Variants in CLVS1 observed in about 807,000 individuals in gnomAD.
CLVS1 encodes clavesin-1.
CLVS1 carries 10 observed loss-of-function variants against 33.1 expected under a neutral mutation model. That is an observed-to-expected ratio of 0.30 (90% CI 0.19 to 0.51). The LOEUF (loss-of-function observed/expected upper bound fraction) is 0.51. CLVS1 is among the 20% of genes least tolerant of loss of function. The pLI is 0.97. For synonymous variants in CLVS1, 163 were observed against 166.1 expected (o/e 0.98, Z 0.14); for missense variants, 343 against 433.4 (o/e 0.79, Z 1.85).
At chr8:61,329,172 G>A (rs2931305) in intron 2 of CLVS1, among the ~76,000 whole-genome samples, 8 of 151,468 alleles carry the variant, frequency 5.3e-5, no homozygotes, top group African/African-American at 1.9e-4. Flanking sequence ...AAAACCTTTA[G>A]AGAGTAGGCA....
chr8:61,353,238 A>G, intron 2 of CLVS1, among the ~76,000 whole-genome samples: 1 of 152,054 alleles, frequency 6.6e-6, no homozygotes. Context: ...AACAACAGCA[A>G]GGTACACATT....
At chr8:61,134,535 G>C (rs1257995743) in intron 2 of CLVS1, among the ~76,000 whole-genome samples, 1 of 152,244 alleles carries the variant, frequency 6.6e-6, no homozygotes, top group Non-Finnish European at 1.5e-5. Context: ...TAGGAACAGG[G>C]AGTCAGCAGG....
intron 2 of CLVS1, among the ~76,000 whole-genome samples, chr8:61,165,462 G>A (rs1415646875): frequency 6.6e-6 from 1 of 152,196 alleles, no homozygotes; most frequent in Non-Finnish European, 1.5e-5. Context: ...TCAGGCAATA[G>A]ATGATTGGCT....
chr8:61,187,020 G>A lies in CLVS1; in HGVS notation c.-152+55160G>A, dbSNP rs140025241. Among the ~76,000 whole-genome samples, 410 of 152,266 alleles carry A rather than the reference G, an allele frequency of 2.7e-3. 2 individuals carry two copies. Among genetic ancestry groups the A allele is most frequent in the African/African-American group, 9.1e-3 (377 of 41,560 alleles). The stretch of plus-strand genomic sequence containing the variant: ...AGATCCTGCTATGTTGTACTACACA[G>A]CTAAACTTATTTCTTTTATAGCTGG... On this transcript the variant is annotated intron_variant, in intron 2 of 2. Transcript: ENST00000522621.
At chr8:61,463,032 A>G (rs1267302730) in intron 5 of CLVS1, among the ~76,000 whole-genome samples, 1 of 152,210 alleles carries the variant, frequency 6.6e-6, no homozygotes, top group Admixed American at 6.5e-5. Context: ...AGCTTCATCA[A>G]TGATCTTTCC....
At chr8:61,263,352 T>C (rs1438219682) in intron 2 of CLVS1, among the ~76,000 whole-genome samples, 1 of 152,234 alleles carries the variant, frequency 6.6e-6, no homozygotes, top group African/African-American at 2.4e-5. Context: ...ACAGTTGATT[T>C]TCAGTTGACT....
intron 2 of CLVS1, among the ~76,000 whole-genome samples, chr8:61,158,556 G>C (rs116069050): frequency 0.017 from 2,596 of 152,196 alleles, 78 homozygotes; most frequent in African/African-American, 0.06. Context: ...CCCAGCAGAA[G>C]ATAGAGCAGT....
intron 1 of CLVS1, among the ~76,000 whole-genome samples, chr8:61,089,651 G>T (rs895779653): frequency 6.6e-6 from 1 of 152,130 alleles, no homozygotes; most frequent in African/African-American, 2.4e-5. Context: ...GGGCATGGCG[G>T]TTCACACCTG....
chr8:61,490,482 C>T (rs1269582628), intron 5 of CLVS1, among the ~76,000 whole-genome samples: 1 of 151,270 alleles, frequency 6.6e-6, no homozygotes, highest in Non-Finnish European at 1.5e-5. Flanking sequence ...TCCTGGCCAA[C>T]ACGGTGAAAC....
At chr8:61,491,034 C>A (rs1804059221) in intron 5 of CLVS1, among the ~76,000 whole-genome samples, 1 of 151,842 alleles carries the variant, frequency 6.6e-6, no homozygotes, top group Non-Finnish European at 1.5e-5. Flanking sequence ...TTGGGCACAT[C>A]CTAACTTTAG....
chr8:61,005,747 G>A, the CLVS1 span, among the ~76,000 whole-genome samples: 1 of 152,116 alleles, frequency 6.6e-6, no homozygotes, highest in Non-Finnish European at 1.5e-5. Context: ...CTTCCCAGAT[G>A]CCACCTGCAT....
chr8:61,288,978 G>T (rs1426603887), intron 1 of CLVS1, among the ~76,000 whole-genome samples: 3 of 152,192 alleles, frequency 2.0e-5, no homozygotes, highest in Non-Finnish European at 4.4e-5. Flanking sequence ...GCTCTCATTC[G>T]AATGAACTAT....
At chr8:61,315,217 A>T (rs1810970011) in intron 2 of CLVS1, among the ~76,000 whole-genome samples, 2 of 152,210 alleles carry the variant, frequency 1.3e-5, no homozygotes, top group Non-Finnish European at 2.9e-5. Context: ...ACTTGAACTA[A>T]AACCCATTTT....
chr8:61,449,725 G>A (rs1019386500), intron 3 of CLVS1, among the ~76,000 whole-genome samples: 4 of 152,038 alleles, frequency 2.6e-5, no homozygotes, highest in Admixed American at 2.6e-4. Flanking sequence ...GCCTTCTTCT[G>A]TCCCAAGACT....
intron 3 of CLVS1, among the ~76,000 whole-genome samples, chr8:61,386,076 T>C (rs181921861): frequency 6.6e-6 from 1 of 152,212 alleles, no homozygotes; most frequent in Non-Finnish European, 1.5e-5. Flanking sequence ...TTGGGAAAAT[T>C]GCTTGACACC....
intron 1 of CLVS1, among the ~76,000 whole-genome samples, chr8:61,074,009 C>CA (rs35959369): frequency 0.081 from 5,671 of 69,834 alleles, 334 homozygotes; most frequent in African/African-American, 0.17. Flanking sequence ...GACTCCGTCT[C>CA]AAAAAAAAAA....
chr8:61,485,566 A>T (rs1197369342), intron 5 of CLVS1, among the ~76,000 whole-genome samples: 1 of 152,246 alleles, frequency 6.6e-6, no homozygotes, highest in African/African-American at 2.4e-5. Flanking sequence ...AACTGGAAAT[A>T]CCATTTGACC....
chr8:61,334,982 G>A (rs1003936419), intron 2 of CLVS1, among the ~76,000 whole-genome samples: 1 of 152,172 alleles, frequency 6.6e-6, no homozygotes, highest in Non-Finnish European at 1.5e-5. Flanking sequence ...TGGTAGGTAG[G>A]GGGAAACCAG....
At position 61,500,824 on chromosome 8, in the gene CLVS1, C is replaced by CATT. The variant is rs1804741814; in HGVS notation, c.*1286_*1288dup. ...TAATGGGCAGTAAAATATGATTTTA[C>CATT]ATTATTTTAAATATTTGGGAGAGTT... On this transcript the variant is annotated 3_prime_UTR_variant, in exon 6 of 6. Coordinates refer to ENST00000325897, the MANE Select transcript of CLVS1 (RefSeq NM_173519.3). 6.6e-6 allele frequency: 1 copy of CATT among 152,078 alleles called. No individual in the cohort carries two copies. The highest frequency in any genetic ancestry group is 1.5e-5 in the Non-Finnish European group (1 of 68,010). 9.4% of individuals were successfully genotyped at this position (152,078 alleles called of 1,614,324 possible).
Sources: gnomAD v4.1 joint callset for allele counts (sites outside exome capture counted in the v4.1 genomes callset) on GRCh38, gnomAD v4.1.1 for gene constraint, MANE v1.5 for transcripts, NCBI Gene and HGNC (gene_info 2026-07-23, HGNC 2026-07-21) for gene names.